Variants in TTLL11 observed in about 807,000 individuals in gnomAD.
The protein encoded by TTLL11 is tubulin polyglutamylase TTLL11.
Under a neutral mutation model 51.7 loss-of-function variants are expected in TTLL11, and 42 were observed. The observed-to-expected ratio is 0.81, with a 90% CI of 0.64 to 1.05. TTLL11 has a LOEUF of 1.05. TTLL11 is among the 50% of genes least tolerant of loss of function. TTLL11 has a pLI of 0.00. For synonymous variants in TTLL11, 381 were observed against 383.5 expected, an observed-to-expected ratio of 0.99 and a Z score of 0.08; for missense variants, 799 against 940.4, an observed-to-expected ratio of 0.85 and a Z score of 1.97.
At chr9:121,927,902 G>T (rs1297131992) in intron 6 of TTLL11, among the ~76,000 whole-genome samples, 1 of 152,170 alleles carries the variant, frequency 6.6e-6, no homozygotes, top group Non-Finnish European at 1.5e-5. Context: ...TACATCACAT[G>T]TTATTTGGTT....
chr9:121,829,439 G>A (rs965874410), intron 8 of TTLL11, among the ~76,000 whole-genome samples: 2 of 152,254 alleles, frequency 1.3e-5, no homozygotes, highest in Admixed American at 6.5e-5. Context: ...GATAATGAGA[G>A]GTAGTGGTGA....
intron 6 of TTLL11, among the ~76,000 whole-genome samples, chr9:121,972,242 G>A (rs1475690542): frequency 6.6e-6 from 1 of 152,006 alleles, no homozygotes; most frequent in Non-Finnish European, 1.5e-5. Context: ...AGTACCATAC[G>A]ATTTCTCAGA....
At chr9:121,892,725 C>T (rs986440683) in intron 6 of TTLL11, among the ~76,000 whole-genome samples, 7 of 152,316 alleles carry the variant, frequency 4.6e-5, no homozygotes, top group African/African-American at 1.4e-4. Context: ...GGCAATGTCC[C>T]GCCACATTCT....
intron 1 of TTLL11, among the ~76,000 whole-genome samples, chr9:122,052,640 C>G (rs1845193111): frequency 6.6e-6 from 1 of 152,168 alleles, no homozygotes; most frequent in Admixed American, 6.5e-5. Context: ...CTTCCTTCAT[C>G]CATCTTTCTG....
intron 1 of TTLL11, among the ~76,000 whole-genome samples, chr9:122,067,827 C>T (rs533605007): frequency 6.6e-6 from 1 of 152,306 alleles, no homozygotes; most frequent in Non-Finnish European, 1.5e-5. Context: ...TAAATGTAAA[C>T]AATGTACTTA....
At chr9:121,971,087 C>T (rs1842540434) in intron 6 of TTLL11, among the ~76,000 whole-genome samples, 1 of 141,882 alleles carries the variant, frequency 7.0e-6, no homozygotes, top group Non-Finnish European at 1.5e-5. Flanking sequence ...AGCCCCCCGC[C>T]CGGCCAGCCG....
Position 121,870,533 on chromosome 9 carries a change from A to G in TTLL11, c.1697T>C (p.Met566Thr), listed in dbSNP as rs1838321900. The G allele has an allele frequency of 3.2e-6, 5 of 1,551,634 alleles. No homozygotes were observed. The highest frequency in any genetic ancestry group is 4.4e-6 in the Non-Finnish European group (5 of 1,146,988). ...FIRFLGIKGT[M>T]KLGPTGFRTF... ...ACGAAAGCCTGTTGGCCCCAACTTC[A>G]TTGTCCCCTTGATGCCCAGGAACCG... Residue 566 changes from methionine (M) to threonine (T), a missense_variant, in exon 7 of 9, where the codon ATG becomes ACG. By Grantham distance (81) the Met-to-Thr change is moderately conservative. Around this residue, in one of 3 missense-constraint regions of TTLL11, gnomAD observed 468 missense variants for 612.8 expected, o/e 0.76. Transcript: ENST00000321582.
At chr9:121,957,774 CCTAGACCTGA>C (rs1476065851) in intron 6 of TTLL11, among the ~76,000 whole-genome samples, 1 of 152,148 alleles carries the variant, frequency 6.6e-6, no homozygotes, top group Non-Finnish European at 1.5e-5. Flanking sequence ...GGGCCTTCTC[CCTAGACCTGA>C]AGAATGGCCA....
chr9:121,971,031 C>A (rs1273658468), intron 6 of TTLL11, among the ~76,000 whole-genome samples: 6 of 145,488 alleles, frequency 4.1e-5, no homozygotes, highest in Non-Finnish European at 9.2e-5. Flanking sequence ...GGGGGTCAGC[C>A]CCCCGCCCGG....
At chr9:121,897,331 C>T (rs1020164171) in intron 6 of TTLL11, among the ~76,000 whole-genome samples, 2 of 152,244 alleles carry the variant, frequency 1.3e-5, no homozygotes, top group Admixed American at 6.5e-5. Flanking sequence ...AGCTAGCACG[C>T]GGTAGAACTG....
At chr9:121,854,682 C>T (rs1232386633) in intron 8 of TTLL11, among the ~76,000 whole-genome samples, 1 of 152,148 alleles carries the variant, frequency 6.6e-6, no homozygotes, top group Non-Finnish European at 1.5e-5. Context: ...TCATCTCTTA[C>T]CACGGAGATG....
At chr9:121,956,377 G>A (rs1842015774) in intron 6 of TTLL11, among the ~76,000 whole-genome samples, 1 of 152,214 alleles carries the variant, frequency 6.6e-6, no homozygotes, top group Non-Finnish European at 1.5e-5. Context: ...CGCATAGAAA[G>A]GCAGGGAAAG....
intron 6 of TTLL11, among the ~76,000 whole-genome samples, chr9:121,884,076 A>G (rs76110761): frequency 0.015 from 2,232 of 152,324 alleles, 54 homozygotes; most frequent in African/African-American, 0.05. Context: ...TCGCTGGTCC[A>G]CGATACAAGA....
intron 6 of TTLL11, among the ~76,000 whole-genome samples, chr9:121,903,405 T>C (rs1156641207): frequency 6.6e-6 from 1 of 152,158 alleles, no homozygotes; most frequent in Admixed American, 6.5e-5. Flanking sequence ...GGCTGAAAAG[T>C]ACCTATCATA....
chr9:121,965,928 T>C (rs143315280), intron 6 of TTLL11, among the ~76,000 whole-genome samples: 120 of 152,298 alleles, frequency 7.9e-4, no homozygotes, highest in Non-Finnish European at 1.5e-3. Context: ...AGATTCCTTG[T>C]TTTCTGTTCT....
chr9:121,831,118 T>C (rs1836991190), intron 8 of TTLL11, among the ~76,000 whole-genome samples: 2 of 152,308 alleles, frequency 1.3e-5, no homozygotes, highest in Middle Eastern at 3.4e-3. Flanking sequence ...CCAGCAATCT[T>C]ATGCAGGAGG....
chr9:121,967,314 T>A (rs1487880613), intron 6 of TTLL11, among the ~76,000 whole-genome samples: 1 of 132,300 alleles, frequency 7.6e-6, no homozygotes, highest in African/African-American at 2.8e-5. Flanking sequence ...AACCTCCGCC[T>A]CCCGGGTTCA....
chr9:121,848,764 T>C (rs1281487130), intron 8 of TTLL11, among the ~76,000 whole-genome samples: 1 of 152,088 alleles, frequency 6.6e-6, no homozygotes, highest in African/African-American at 2.4e-5. Context: ...AAAAAGAAGA[T>C]CTAAATAAAT....
At chr9:121,992,100 G>A (rs374020097) in intron 3 of TTLL11, among the ~76,000 whole-genome samples, 445 of 152,248 alleles carry the variant, frequency 2.9e-3, no homozygotes, top group Non-Finnish European at 4.9e-3. Flanking sequence ...CCTGAGTATG[G>A]CCATCCAGGA....
Sources: allele counts gnomAD v4.1 joint callset (sites outside exome capture counted in the v4.1 genomes callset), GRCh38; gene constraint gnomAD v4.1.1; regional missense constraint gnomAD v4.1.1; transcripts MANE v1.5; gene names NCBI Gene and HGNC (gene_info 2026-07-23, HGNC 2026-07-21).